Variants in FMNL3 observed in about 807,000 individuals in gnomAD.
FMNL3 encodes the protein formin-like protein 3.
FMNL3 carries 57 observed loss-of-function variants against 119.6 expected under a neutral mutation model. The ratio of observed to expected loss-of-function variants is 0.48; its 90% CI spans 0.39 to 0.59. FMNL3 has a LOEUF of 0.59. Among genes scored for constraint, FMNL3 ranks in the 20% least tolerant of loss-of-function variants. The pLI is 0.00. For synonymous variants in FMNL3, 491 were observed against 507.3 expected, an observed-to-expected ratio of 0.97 and a Z score of 0.43; for missense variants, 1,053 against 1,323.5, an observed-to-expected ratio of 0.80 and a Z score of 3.17.
In FMNL3 at chr12:49,637,917, A is replaced by G. The variant is rs1942068786; in HGVS notation, c.*7898T>C. ...CTGATAAGTCCTGTTTTGCAGAAGC[A>G]TTACAGCTTGGTTCAGCAGATATCT... On this transcript the variant is annotated 3_prime_UTR_variant, in exon 26 of 26. Coordinates refer to ENST00000335154, the MANE Select transcript of FMNL3 (RefSeq NM_175736.5). 9.6e-7 allele frequency: 1 copy of G among 1,038,992 alleles called. No homozygotes were observed. The highest frequency in any genetic ancestry group is 1.5e-6 in the Non-Finnish European group (1 of 681,090). 64.4% of individuals were successfully genotyped at this position (1,038,992 alleles called of 1,614,324 possible).
chr12:49,652,538 G>A (rs1443241085), intron 13 of FMNL3, among the ~76,000 whole-genome samples: 2 of 152,118 alleles, frequency 1.3e-5, no homozygotes, highest in South Asian at 2.1e-4. Flanking sequence ...CTGACATAGC[G>A]GCTCTCTCCA....
chr12:49,649,969 C>T lies in FMNL3; in HGVS notation c.2001-44G>A, dbSNP rs1362566743. ...CCACCTCAGTTCTCACATCTCTCCA[C>T]GTTTTCCCTCATCCCTTTTATTCTC... On this transcript the variant is annotated intron_variant, in intron 17 of 25. Coordinates refer to ENST00000335154, the MANE Select transcript of FMNL3 (RefSeq NM_175736.5). This position sits in a 1 kb window ranked among gnomAD's most constrained non-coding sequence, Gnocchi z 5.6. 9.2e-6 allele frequency: 14 copies of T among 1,524,530 alleles called. No individual in the cohort carries two copies. Among genetic ancestry groups the T allele is most frequent in the Admixed American group, 7.2e-5 (4 of 55,814 alleles). 94.4% of individuals were successfully genotyped at this position (1,524,530 alleles called of 1,614,324 possible). A position where few individuals can be genotyped will look rare whatever the true frequency, so the allele number is the denominator to read the frequency against.
rs1942431816 is a variant in FMNL3 at position 49,640,237 on chromosome 12, C to T, written c.*5578G>A. ...GTCAGGGAGATCCATGGAGGATGCTCATGAGAAATATATTCTCTTGAGATC... is the reference window on the plus strand; with the variant it reads ...GTCAGGGAGATCCATGGAGGATGCTTATGAGAAATATATTCTCTTGAGATC... On this transcript the variant is annotated 3_prime_UTR_variant, in exon 26 of 26. Coordinates refer to ENST00000335154, the MANE Select transcript of FMNL3 (RefSeq NM_175736.5). 1 of 152,180 alleles carries T rather than the reference C, an allele frequency of 6.6e-6. No individual in the cohort carries two copies. Among genetic ancestry groups the T allele is most frequent in the Non-Finnish European group, 1.5e-5 (1 of 68,036 alleles). The allele number at this position is 152,180 out of a possible 1,614,324, so 9.4% of individuals were successfully genotyped here.
Position 49,643,231 on chromosome 12 carries a change from G to T in FMNL3, c.*2584C>A. ...TCTGCTGATCTGCCCAGGGCTCTGAGTCAGAAGAAGAGGAGCTGCCCCCAC... is the reference window on the plus strand; with the variant it reads ...TCTGCTGATCTGCCCAGGGCTCTGATTCAGAAGAAGAGGAGCTGCCCCCAC... On this transcript the variant is annotated 3_prime_UTR_variant, in exon 26 of 26. Coordinates refer to ENST00000335154, the MANE Select transcript of FMNL3 (RefSeq NM_175736.5). 6.2e-7 allele frequency: 1 copy of T among 1,614,104 alleles called. No homozygotes were observed. Among genetic ancestry groups the T allele is most frequent in the Non-Finnish European group, 8.5e-7 (1 of 1,180,018 alleles).
At chr12:49,657,892 C>T (rs1943618017) in intron 6 of FMNL3, among the ~76,000 whole-genome samples, 1 of 152,144 alleles carries the variant, frequency 6.6e-6, no homozygotes, top group African/African-American at 2.4e-5. Flanking sequence ...TCATCCAGTC[C>T]ATCCGCCTAC....
rs1486257798 is a variant in FMNL3 at position 49,657,062 on chromosome 12, G to T, written c.714+20C>A. Reference sequence around the variant, plus strand: ...GAGGCAGAAGAAGTAGAGCACCTATGGCTAGTGCTTCCCCCTTACCTGATA... The same window carrying T: ...GAGGCAGAAGAAGTAGAGCACCTATTGCTAGTGCTTCCCCCTTACCTGATA... On this transcript the variant is annotated intron_variant, in intron 7 of 25. Coordinates refer to ENST00000335154, the MANE Select transcript of FMNL3 (RefSeq NM_175736.5). 1.9e-6 allele frequency: 3 copies of T among 1,603,780 alleles called. No individual in the cohort carries two copies. Among genetic ancestry groups the T allele is most frequent in the Non-Finnish European group, 1.7e-6 (2 of 1,170,696 alleles).
intron 1 of FMNL3, among the ~76,000 whole-genome samples, chr12:49,683,921 T>G (rs1226801418): frequency 1.3e-5 from 2 of 152,218 alleles, no homozygotes; most frequent in East Asian, 3.9e-4. Flanking sequence ...GAATGCTTTC[T>G]TTTCCAAACT....
At chr12:49,663,067 A>C (rs986934894) in intron 4 of FMNL3, among the ~76,000 whole-genome samples, 3 of 151,998 alleles carry the variant, frequency 2.0e-5, no homozygotes, top group African/African-American at 7.2e-5. Context: ...GAGCTACAAC[A>C]CCAGGCCCAG....
chr12:49,642,032 G>A lies in FMNL3; in HGVS notation c.*3783C>T. Reference sequence around the variant, plus strand: ...AAGCTGACCTTCAATAGTGTGAGGGGCTGGGCGGGGCGTGGGAAGTTCTCT... The same window carrying A: ...AAGCTGACCTTCAATAGTGTGAGGGACTGGGCGGGGCGTGGGAAGTTCTCT... On this transcript the variant is annotated 3_prime_UTR_variant, in exon 26 of 26. Coordinates refer to ENST00000335154, the MANE Select transcript of FMNL3 (RefSeq NM_175736.5). This position sits in a 1 kb window ranked among gnomAD's most constrained non-coding sequence, Gnocchi z 5.8. 1 of 1,610,886 alleles carries A rather than the reference G, an allele frequency of 6.2e-7. No homozygotes were observed. Among genetic ancestry groups the A allele is most frequent in the Non-Finnish European group, 8.5e-7 (1 of 1,179,548 alleles).
At chr12:49,693,351 C>G (rs1396017242) in intron 1 of FMNL3, among the ~76,000 whole-genome samples, 2 of 151,660 alleles carry the variant, frequency 1.3e-5, no homozygotes, top group Admixed American at 6.6e-5. Flanking sequence ...TAGAGAGAGA[C>G]AGTTTTTGTG....
At chr12:49,680,902 G>T (rs552647384) in intron 1 of FMNL3, among the ~76,000 whole-genome samples, 31 of 152,314 alleles carry the variant, frequency 2.0e-4, no homozygotes, top group African/African-American at 7.5e-4. Context: ...CAGACGTGTG[G>T]CCTCCAACAT....
At chr12:49,681,938 A>G (rs1234290713) in intron 1 of FMNL3, among the ~76,000 whole-genome samples, 2 of 152,296 alleles carry the variant, frequency 1.3e-5, no homozygotes, top group African/African-American at 2.4e-5. Context: ...AAAAATGAAT[A>G]AAAGGGATTT....
At position 49,649,650 on chromosome 12, in the gene FMNL3, G is replaced by C. The variant is rs908361982; in HGVS notation, c.2235+41C>G. ...AGGTGACTAGCAGATGGAGGGTGGA[G>C]GGACAGCTGTCCAGAGCCATGAGTT... On this transcript the variant is annotated intron_variant, in intron 18 of 25. Transcript: ENST00000335154. The surrounding 1 kb of genome is among the most constrained non-coding windows in gnomAD (Gnocchi z 5.6). 3 of 1,611,846 alleles carry C rather than the reference G, an allele frequency of 1.9e-6. No individual in the cohort carries two copies. Among genetic ancestry groups the C allele is most frequent in the Non-Finnish European group, 2.5e-6 (3 of 1,178,006 alleles).
intron 1 of FMNL3, among the ~76,000 whole-genome samples, chr12:49,706,787 G>A (rs1405299350): frequency 6.6e-6 from 1 of 152,230 alleles, no homozygotes; most frequent in South Asian, 2.1e-4. Flanking sequence ...GGAAGAAGGA[G>A]GGAGAAGCCT....
rs755538450 is a variant in FMNL3 at position 49,652,099 on chromosome 12, C to T, written c.1437G>A (p.Glu479=). 6 of 1,612,962 alleles carry T rather than the reference C, an allele frequency of 3.7e-6. No individual in the cohort carries two copies. The Admixed American group carries it at 8.4e-5, about 22-fold the overall frequency. ...TGGCCAGGGCCTCACTGTCCACAGA[C>T]TCCAGGCCCCGGACATTTGGCTCCA... is the stretch of plus-strand genomic sequence containing the variant. ...CHLEPNVRGL[E]SVDSEALARV... The change falls in exon 14 of 26, where the codon GAG becomes GAA. Residue 479 remains glutamate (E), a synonymous_variant. Transcript: ENST00000335154.
intron 1 of FMNL3, among the ~76,000 whole-genome samples, chr12:49,681,650 T>TGGG (rs1944338332): frequency 1.3e-5 from 2 of 151,812 alleles, no homozygotes; most frequent in South Asian, 4.2e-4. Flanking sequence ...CCCAAACTCA[T>TGGG]GGGCTCAAGT....
At position 49,637,551 on chromosome 12, in the gene FMNL3, G is replaced by A; in HGVS notation, c.*8264C>T. ...GGAGCTATATCCAGCAGTCAGCACTGATGTCCGCTTTGCCAACATGCTGGG... is the reference window on the plus strand; with the variant it reads ...GGAGCTATATCCAGCAGTCAGCACTAATGTCCGCTTTGCCAACATGCTGGG... On this transcript the variant is annotated 3_prime_UTR_variant, in exon 26 of 26. Coordinates refer to ENST00000335154, the MANE Select transcript of FMNL3 (RefSeq NM_175736.5). 5 of 1,613,878 alleles carry A rather than the reference G, an allele frequency of 3.1e-6. No homozygotes were observed. The highest frequency in any genetic ancestry group is 4.2e-6 in the Non-Finnish European group (5 of 1,180,036).
intron 1 of FMNL3, among the ~76,000 whole-genome samples, chr12:49,674,725 C>G (rs1050550150): frequency 6.6e-6 from 1 of 152,216 alleles, no homozygotes; most frequent in African/African-American, 2.4e-5. Context: ...TGATGAGCTG[C>G]CAGGGAAAAG....
chr12:49,657,941 G>A (rs1943619963), intron 6 of FMNL3, among the ~76,000 whole-genome samples: 1 of 152,298 alleles, frequency 6.6e-6, no homozygotes, highest in East Asian at 1.9e-4. Context: ...GCAGACAAAT[G>A]AGCATGTGGC....
Sources: gnomAD v4.1 joint callset for allele counts (sites outside exome capture counted in the v4.1 genomes callset) on GRCh38, gnomAD v4.1.1 for gene constraint, Gnocchi (gnomAD v3.1) non-coding constraint, MANE v1.5 for transcripts, NCBI Gene and HGNC (gene_info 2026-07-23, HGNC 2026-07-21) for gene names.